MROH7: variants seen among roughly 807,000 people sequenced by gnomAD.
The protein encoded by MROH7 is maestro heat-like repeat-containing protein family member 7.
Under a neutral mutation model 129.2 loss-of-function variants are expected in MROH7, and 113 were observed. That is an observed-to-expected ratio of 0.87 (90% CI 0.75 to 1.02). The LOEUF is 1.02. Ranked by LOEUF, MROH7 falls within the 50% of genes least tolerant of loss-of-function variation. The probability of loss-of-function intolerance (pLI) is 0.00; values close to 1 mark genes in which losing one functional copy is unlikely to be tolerated. For synonymous variants in MROH7, 655 were observed against 667.9 expected (o/e 0.98, Z 0.30); for missense variants, 1,601 against 1,671.3 (o/e 0.96, Z 0.73).
intron 2 of MROH7, among the ~76,000 whole-genome samples, 156 bp downstream of exon 2, chr1:54,652,139 C>T (rs76889504): frequency 0.021 from 3,242 of 152,146 alleles, 114 homozygotes; most frequent in Admixed American, 0.095. Flanking sequence ...CCACTTCACC[C>T]GGAACAAGCA....
At position 54,709,085 on chromosome 1, in the gene MROH7, T is replaced by C. The variant is rs990329135; in HGVS notation, c.3730+9T>C. The C allele has an allele frequency of 6.2e-6, 10 of 1,613,920 alleles. No individual in the cohort carries two copies. The African/African-American group carries it at 6.7e-5, about 11-fold the overall frequency. On this transcript the variant is annotated intron_variant, in intron 23 of 23. Coordinates refer to ENST00000421030, the MANE Select transcript of MROH7 (RefSeq NM_001039464.4). Reference sequence around the variant, plus strand: ...GAATGAAGTGAAAGCTGGTAAGTCATGCCCCGCATTGGTGAAATTTCAGGG... The same window carrying C: ...GAATGAAGTGAAAGCTGGTAAGTCACGCCCCGCATTGGTGAAATTTCAGGG...
chr1:54,662,056 C>T (rs1453366721), intron 3 of MROH7, among the ~76,000 whole-genome samples: 1 of 150,958 alleles, frequency 6.6e-6, no homozygotes, highest in East Asian at 2.0e-4. Flanking sequence ...CCCATCTCTA[C>T]AAACAATGTA....
At chr1:54,663,685 T>TAA (rs1225623141) in intron 3 of MROH7, 4,273 of 270,778 alleles carry the variant, frequency 0.016, no homozygotes, top group South Asian at 0.02. Context: ...CCATCAGCTC[T>TAA]AAAAAAAAAA....
intron 16 of MROH7, 37 bp downstream of exon 16, chr1:54,692,598 G>A (rs771931262): frequency 1.9e-6 from 3 of 1,595,692 alleles, no homozygotes; most frequent in African/African-American, 2.7e-5. Context: ...GGGGTGGGAG[G>A]GAGAAAGAGG....
intron 1 of MROH7, among the ~76,000 whole-genome samples, chr1:54,651,010 C>T (rs1010382769): frequency 6.6e-6 from 1 of 152,184 alleles, no homozygotes; most frequent in Non-Finnish European, 1.5e-5. Context: ...CAGGCGTGAG[C>T]CCCTGCACCC....
rs1553177031 is a variant in MROH7 at position 54,699,259 on chromosome 1, T to TCCTC, written c.2965-1056_2965-1053dup. ...CTTCTTTCCCCTTTCCTTCCTTCCTTCCTCCCTCCTTCCCTCCCTCCTTCT... is the reference window on the plus strand; with the variant it reads ...CTTCTTTCCCCTTTCCTTCCTTCCTTCCTCCCTCCCTCCTTCCCTCCCTCCTTCT... On this transcript the variant is annotated intron_variant, in intron 17 of 23. Coordinates refer to ENST00000421030, the MANE Select transcript of MROH7 (RefSeq NM_001039464.4). 3.1e-4 allele frequency: 47 copies of TCCTC among 149,508 alleles called. No individual in the cohort carries two copies. In the East Asian group the frequency reaches 5.8e-3, roughly 18 times the overall value. 9.3% of individuals were successfully genotyped at this position (149,508 alleles called of 1,614,324 possible).
intron 7 of MROH7, among the ~76,000 whole-genome samples, chr1:54,671,244 A>C (rs1644899036): frequency 6.6e-6 from 1 of 151,438 alleles, no homozygotes; most frequent in Non-Finnish European, 1.5e-5. Flanking sequence ...AAAAAGAAAA[A>C]AAAAACTTAG....
chr1:54,692,395 A>G, intron 15 of MROH7, 29 bp from the exon 16 acceptor site: 1 of 1,612,396 alleles, frequency 6.2e-7, no homozygotes. Flanking sequence ...CCAGGTAGGC[A>G]TGAGGTCTTA....
chr1:54,709,575 A>G (rs1645591033), intron 23 of MROH7, among the ~76,000 whole-genome samples: 1 of 152,176 alleles, frequency 6.6e-6, no homozygotes, highest in South Asian at 2.1e-4. Flanking sequence ...TGGGTTACCA[A>G]GAGACAGAAC....
At position 54,678,865 on chromosome 1, in the gene MROH7, G is replaced by A; in HGVS notation, c.2049+11G>A. ...CTGCGGGTGATCGAGGTGACTGCCT[G>A]GTGCCCATCCAGGAGCGGAGGGTGG... On this transcript the variant is annotated intron_variant, in intron 11 of 23. Coordinates refer to ENST00000421030, the MANE Select transcript of MROH7 (RefSeq NM_001039464.4). The A allele has an allele frequency of 6.2e-7, 1 of 1,605,682 alleles. No individual in the cohort carries two copies. Among genetic ancestry groups the A allele is most frequent in the Non-Finnish European group, 8.5e-7 (1 of 1,172,482 alleles).
At chr1:54,669,919 G>A (rs1385102960) in intron 5 of MROH7, among the ~76,000 whole-genome samples, 3 of 151,198 alleles carry the variant, frequency 2.0e-5, no homozygotes, top group Non-Finnish European at 4.4e-5. Context: ...CAAGATAATC[G>A]CTTGAGCTAG....
At chr1:54,699,097 TC>T (rs1557726708) in intron 17 of MROH7, 25 of 34,626 alleles carry the variant, frequency 7.2e-4, no homozygotes, top group Middle Eastern at 0.011. Flanking sequence ...CCTGGCCTTT[TC>T]TTTCTTTCTT....
In MROH7 at chr1:54,653,921, G is replaced by T; in HGVS notation, c.995G>T (p.Gly332Val). The T allele has an allele frequency of 6.2e-7, 1 of 1,614,096 alleles. No homozygotes were observed. Among genetic ancestry groups the T allele is most frequent in the Non-Finnish European group, 8.5e-7 (1 of 1,180,016 alleles). The stretch of plus-strand genomic sequence containing the variant: ...CCCTCATGCATGACTCTAATCCTGG[G>T]TTCCAATGAGACTCTGAGCCTGGAC... ...SPPSCMTLIL[G>V]SNETLSLDSS... is the part of the protein sequence containing the mutation. Residue 332 changes from glycine to valine, a missense_variant, in exon 3 of 24, where the codon GGT becomes GTT. Gly to Val is a moderately radical substitution (Grantham distance 109). Coordinates refer to ENST00000421030, the MANE Select transcript of MROH7 (RefSeq NM_001039464.4).
At chr1:54,644,197 GTTA>G (rs1644427954) in intron 1 of MROH7, among the ~76,000 whole-genome samples, 1 of 133,122 alleles carries the variant, frequency 7.5e-6, no homozygotes, top group African/African-American at 2.9e-5. Context: ...ACATTATTTT[GTTA>G]TTGTTCCACA....
At chr1:54,699,484 G>A (rs1407839107) in intron 17 of MROH7, 1 of 151,862 alleles carries the variant, frequency 6.6e-6, no homozygotes, top group Non-Finnish European at 1.5e-5. Flanking sequence ...TTTTAGTAGA[G>A]ATGGGGGTTT....
intron 14 of MROH7, among the ~76,000 whole-genome samples, chr1:54,684,485 C>T (rs1433978553): frequency 6.6e-6 from 1 of 152,254 alleles, no homozygotes; most frequent in African/African-American, 2.4e-5. Context: ...TTTAGTCACT[C>T]ATTTGTGCTT....
At chr1:54,707,332 A>C (rs535338183) in intron 22 of MROH7, among the ~76,000 whole-genome samples, 1 of 152,194 alleles carries the variant, frequency 6.6e-6, no homozygotes, top group African/African-American at 2.4e-5. Context: ...GTGAAGTGAT[A>C]TTTTTTAGTA....
chr1:54,690,246 T>C (rs1487068418), intron 15 of MROH7, among the ~76,000 whole-genome samples: 2 of 147,174 alleles, frequency 1.4e-5, no homozygotes, highest in African/African-American at 2.5e-5. Context: ...CTGTTGCAAG[T>C]ATAACTTTGG....
rs965776442 is a variant in MROH7, at chr1:54,678,971, G to A, written c.2049+117G>A. ...CCAGGCTTTGCAGGACGCCTTCCCA[G>A]CCACCCACGCCTGTCCTGAGTGCCC... On this transcript the variant is annotated intron_variant, in intron 11 of 23. Transcript: ENST00000421030. 52 of 808,368 alleles carry A rather than the reference G, an allele frequency of 6.4e-5. No homozygotes were observed. The African/African-American group carries it at 8.2e-4, about 13-fold the overall frequency. The allele number at this position is 808,368 out of a possible 1,614,324, so 50.1% of individuals were successfully genotyped here. A position where few individuals can be genotyped will look rare whatever the true frequency, so the allele number is the denominator to read the frequency against.
Sources: gnomAD v4.1 joint callset for allele counts (sites outside exome capture counted in the v4.1 genomes callset) on GRCh38, gnomAD v4.1.1 for gene constraint, MANE v1.5 for transcripts, NCBI Gene and HGNC (gene_info 2026-07-23, HGNC 2026-07-21) for gene names.